NCOR2: variants seen among roughly 807,000 people sequenced by gnomAD.
NCOR2 encodes the protein nuclear receptor corepressor 2.
NCOR2 carries 81 observed loss-of-function variants against 262.9 expected under a neutral mutation model. That is an observed-to-expected ratio of 0.31 (90% CI 0.26 to 0.37). The LOEUF (loss-of-function observed/expected upper bound fraction) is 0.37, where lower values mean the gene tolerates loss of function less well. Ranked by LOEUF, NCOR2 falls within the 10% of genes least tolerant of loss-of-function variation. The pLI is 1.00. For synonymous variants in NCOR2, 1,659 were observed against 1,559.3 expected, an observed-to-expected ratio of 1.06 and a Z score of -1.51; for missense variants, 3,385 against 3,621.4, an observed-to-expected ratio of 0.93 and a Z score of 1.68.
chr12:124,428,739 T>C (rs1325764741), intron 10 of NCOR2, among the ~76,000 whole-genome samples: 1 of 152,234 alleles, frequency 6.6e-6, no homozygotes, highest in East Asian at 1.9e-4. Flanking sequence ...TATCCCATTT[T>C]AATTAATTTT....
chr12:124,466,233 T>C, exon 5 of NCOR2: 1 of 1,610,082 alleles, frequency 6.2e-7, no homozygotes, highest in Non-Finnish European at 8.5e-7. Context: ...TGGGCGGCGG[T>C]GACACGGGCT....
At chr12:124,398,335 C>T (rs2041806992) in intron 15 of NCOR2, among the ~76,000 whole-genome samples, 154 bp from the exon 18 acceptor site, 2 of 152,142 alleles carry the variant, frequency 1.3e-5, no homozygotes, top group South Asian at 2.1e-4. Flanking sequence ...ACATTTCAGA[C>T]GCCCCTCCCC....
At chr12:124,442,558 A>T (rs1008678008) in intron 7 of NCOR2, among the ~76,000 whole-genome samples, 3 of 152,246 alleles carry the variant, frequency 2.0e-5, no homozygotes, top group Non-Finnish European at 4.4e-5. Context: ...CACAACGTAC[A>T]ATCTAGTTAC....
chr12:124,494,781 C>T (rs1240499098), intron 1 of NCOR2, among the ~76,000 whole-genome samples: 1 of 152,166 alleles, frequency 6.6e-6, no homozygotes, highest in African/African-American at 2.4e-5. Context: ...TGGAAGCCAC[C>T]CCAATCCTAC....
chr12:124,342,722 T>C (rs967214820), intron 33 of NCOR2, among the ~76,000 whole-genome samples: 2 of 152,178 alleles, frequency 1.3e-5, no homozygotes, highest in Admixed American at 6.5e-5. Context: ...TATACTCAAG[T>C]CCTCATTCTA....
At chr12:124,338,147 G>A (rs1341756907) in intron 37 of NCOR2, among the ~76,000 whole-genome samples, 1 of 152,222 alleles carries the variant, frequency 6.6e-6, no homozygotes, top group Non-Finnish European at 1.5e-5. Context: ...AGGCATCCAA[G>A]CGGCAAGTTG....
chr12:124,519,811 A>T (rs549515283), intron 1 of NCOR2, among the ~76,000 whole-genome samples: 1 of 152,110 alleles, frequency 6.6e-6, no homozygotes, highest in East Asian at 1.9e-4. Context: ...GCCTCACACC[A>T]CCGCGGCATA....
intron 6 of NCOR2, among the ~76,000 whole-genome samples, chr12:124,451,689 T>A (rs927040643): frequency 6.6e-6 from 1 of 152,036 alleles, no homozygotes; most frequent in Admixed American, 6.6e-5. Context: ...GTACAGAGTG[T>A]GAGTGATCAG....
At chr12:124,388,638 C>T (rs1196783222) in intron 16 of NCOR2, 11 of 1,302,220 alleles carry the variant, frequency 8.4e-6, no homozygotes, top group Non-Finnish European at 8.1e-6. Context: ...CGGTCCCTGT[C>T]CCTGCACCCG....
chr12:124,520,150 A>G (rs1023817734), intron 1 of NCOR2, among the ~76,000 whole-genome samples: 1 of 152,152 alleles, frequency 6.6e-6, no homozygotes, highest in Admixed American at 6.5e-5. Context: ...AGCCTTCCCC[A>G]GGAAACACCC....
At chr12:124,388,653 C>T in intron 16 of NCOR2, 1 of 1,303,858 alleles carries the variant, frequency 7.7e-7, no homozygotes, top group Non-Finnish European at 1.0e-6. Context: ...CACCCGCAGT[C>T]CCCCATCCCC....
In NCOR2 at chr12:124,378,095, C is replaced by G. The variant is rs754036774; in HGVS notation, c.2167+142G>C. On this transcript the variant is annotated intron_variant, in intron 18 of 46. Transcript: ENST00000405201. The surrounding 1 kb of genome is among the most constrained non-coding windows in gnomAD (Gnocchi z 4.2). Reference sequence around the variant, plus strand: ...AGTTTCTGGCAAGTCAGGCCCGCACCTTCCAGGGAGTCGAGGCCCCTTCTA... The same window carrying G: ...AGTTTCTGGCAAGTCAGGCCCGCACGTTCCAGGGAGTCGAGGCCCCTTCTA... The G allele has an allele frequency of 1.2e-5, 18 of 1,487,732 alleles. No homozygotes were observed. Among genetic ancestry groups the G allele is most frequent in the Middle Eastern group, 3.7e-4 (2 of 5,346 alleles). 92.2% of individuals were successfully genotyped at this position (1,487,732 alleles called of 1,614,324 possible). A position where few individuals can be genotyped will look rare whatever the true frequency, so the allele number is the denominator to read the frequency against.
chr12:124,433,906 A>ACACACACACG (rs2044175332), intron 8 of NCOR2, among the ~76,000 whole-genome samples: 6 of 145,206 alleles, frequency 4.1e-5, no homozygotes, highest in South Asian at 2.1e-4. Context: ...ACACGCACAC[A>ACACACACACG]CACACACAGG....
intron 20 of NCOR2, among the ~76,000 whole-genome samples, chr12:124,370,570 C>A (rs12370152): frequency 0.024 from 3,668 of 152,342 alleles, 70 homozygotes; most frequent in Non-Finnish European, 0.038. Context: ...GCCTGCCCCA[C>A]CAGAAAACAA....
exon 7 of NCOR2, chr12:124,449,849 A>C: frequency 6.2e-7 from 1 of 1,614,046 alleles, no homozygotes; most frequent in Non-Finnish European, 8.5e-7. Context: ...CGGGTGTCGG[A>C]GGGCTGGTTG....
At chr12:124,505,733 C>G (rs1028791392) in intron 1 of NCOR2, among the ~76,000 whole-genome samples, 2 of 152,132 alleles carry the variant, frequency 1.3e-5, no homozygotes, top group African/African-American at 2.4e-5. Context: ...AGAAGGAGAG[C>G]GTGGCTGTTA....
In NCOR2 at chr12:124,427,102, C is replaced by T. The variant is rs142509224; in HGVS notation, c.1150-302G>A. ...TGAATCTTCCCTTTGGAAATGCAAG[C>T]GCCATAAAGCACTGCAGGAAGGATG... On this transcript the variant is annotated intron_variant, in intron 10 of 46. Transcript: ENST00000405201. Among the ~76,000 whole-genome samples the T allele has an allele frequency of 2.0e-3, 301 of 152,268 alleles. 3 individuals are homozygous for T. Among genetic ancestry groups the T allele is most frequent in the African/African-American group, 6.4e-3 (266 of 41,546 alleles).
At position 124,483,870 on chromosome 12, in the gene NCOR2, C is replaced by T; in HGVS notation, c.234-97G>A. Reference sequence around the variant, plus strand: ...CTCTGCGCCGAGCATCTACTGCGCGCCGTGCTCTGTATGATCCTGCCAGGA... The same window carrying T: ...CTCTGCGCCGAGCATCTACTGCGCGTCGTGCTCTGTATGATCCTGCCAGGA... On this transcript the variant is annotated intron_variant, in intron 2 of 46. Coordinates refer to ENST00000405201, the Ensembl canonical transcript of NCOR2. This position sits in a 1 kb window ranked among gnomAD's most constrained non-coding sequence, Gnocchi z 6.3. 1.5e-6 allele frequency: 2 copies of T among 1,352,114 alleles called. No individual in the cohort carries two copies. The highest frequency in any genetic ancestry group is 2.0e-6 in the Non-Finnish European group (2 of 1,023,484). 83.8% of individuals were successfully genotyped at this position (1,352,114 alleles called of 1,614,324 possible). A position where few individuals can be genotyped will look rare whatever the true frequency, so the allele number is the denominator to read the frequency against.
At chr12:124,376,280 G>C (rs1024476075) in intron 18 of NCOR2, among the ~76,000 whole-genome samples, 1 of 152,222 alleles carries the variant, frequency 6.6e-6, no homozygotes, top group Admixed American at 6.5e-5. Flanking sequence ...TCCCTACGGG[G>C]CTACGTAAGC....
Sources: allele counts gnomAD v4.1 joint callset (sites outside exome capture counted in the v4.1 genomes callset), GRCh38; gene constraint gnomAD v4.1.1; non-coding constraint Gnocchi (gnomAD v3.1); transcripts MANE v1.5; gene names NCBI Gene and HGNC (gene_info 2026-07-23, HGNC 2026-07-21).